WDPCP: variants seen among roughly 807,000 people sequenced by gnomAD.
WDPCP encodes the protein WD repeat containing planar cell polarity effector.
Under a neutral mutation model 93.1 loss-of-function variants are expected in WDPCP, and 71 were observed. The ratio of observed to expected loss-of-function variants is 0.76; its 90% CI spans 0.63 to 0.93. WDPCP has a LOEUF of 0.93. WDPCP is among the 40% of genes least tolerant of loss of function. WDPCP has a pLI of 0.00. For missense variants in WDPCP, 844 were observed against 887.4 expected, an observed-to-expected ratio of 0.95 and a Z score of 0.62; for synonymous variants, 315 against 315.0, an observed-to-expected ratio of 1.00 and a Z score of 0.00.
chr2:63,527,523 T>C (rs1703439954), intron 1 of WDPCP, among the ~76,000 whole-genome samples: 1 of 151,974 alleles, frequency 6.6e-6, no homozygotes, highest in South Asian at 2.1e-4. Flanking sequence ...TCCAGCTTCA[T>C]CCATGTTCCT....
chr2:63,521,496 C>G (rs760361059), intron 1 of WDPCP, among the ~76,000 whole-genome samples: 7 of 151,974 alleles, frequency 4.6e-5, no homozygotes, highest in Admixed American at 2.6e-4. Context: ...TCAATACACA[C>G]CCCATACAGG....
intron 13 of WDPCP, among the ~76,000 whole-genome samples, chr2:63,297,693 T>C (rs1278557231): frequency 6.6e-6 from 1 of 152,166 alleles, no homozygotes; most frequent in Non-Finnish European, 1.5e-5. Flanking sequence ...TATAGTGTTA[T>C]TATAATATAC....
chr2:63,685,681 T>A (rs1204877233), intron 2 of WDPCP, among the ~76,000 whole-genome samples: 1 of 152,228 alleles, frequency 6.6e-6, no homozygotes, highest in African/African-American at 2.4e-5. Flanking sequence ...ATATCTCTGA[T>A]GAATATTGAT....
intron 14 of WDPCP, among the ~76,000 whole-genome samples, chr2:63,198,898 T>G (rs1324537368): frequency 6.6e-6 from 1 of 152,148 alleles, no homozygotes; most frequent in African/African-American, 2.4e-5. Context: ...GAGGGAAAGT[T>G]TGGAGCTTCT....
chr2:63,486,608 T>C lies in WDPCP; in HGVS notation c.209-22A>G, dbSNP rs777545793. 8.1e-5 allele frequency: 126 copies of C among 1,559,476 alleles called. 3 individuals carry two copies. The highest frequency in any genetic ancestry group is 7.9e-4 in the South Asian group (67 of 84,792). On this transcript the variant is annotated intron_variant, in intron 3 of 17. Coordinates refer to ENST00000272321, the MANE Select transcript of WDPCP (RefSeq NM_015910.7). ...GTCGCTGATATTGTGGCAGAAGGGA[T>C]AGAAAGAAAAAAACAAAAGTAGAAT... is the stretch of plus-strand genomic sequence containing the variant.
intron 2 of WDPCP, among the ~76,000 whole-genome samples, chr2:63,682,089 C>T (rs1201426007): frequency 1.3e-5 from 2 of 152,176 alleles, no homozygotes; most frequent in African/African-American, 2.4e-5. Flanking sequence ...GCCCAGACTG[C>T]GAAGACAAAA....
At chr2:63,766,880 C>A (rs1670150816) in intron 2 of WDPCP, among the ~76,000 whole-genome samples, 1 of 152,096 alleles carries the variant, frequency 6.6e-6, no homozygotes, top group Admixed American at 6.6e-5. Context: ...AACTCCATAG[C>A]CATTAAACAA....
chr2:63,169,049 C>T (rs1388094528), intron 15 of WDPCP, among the ~76,000 whole-genome samples: 1 of 152,144 alleles, frequency 6.6e-6, no homozygotes, highest in African/African-American at 2.4e-5. Context: ...TTCTATCTTA[C>T]TCTTTCACTC....
intron 1 of WDPCP, among the ~76,000 whole-genome samples, chr2:63,577,479 T>C (rs998890797): frequency 2.6e-5 from 4 of 152,298 alleles, no homozygotes; most frequent in Admixed American, 6.5e-5. Flanking sequence ...TTTCCCTTCC[T>C]TTATCCCATT....
intron 2 of WDPCP, among the ~76,000 whole-genome samples, chr2:63,661,923 G>A (rs562938172): frequency 6.6e-6 from 1 of 152,162 alleles, no homozygotes; most frequent in Non-Finnish European, 1.5e-5. Context: ...ATGTGAAGGC[G>A]AAGGTATATA....
chr2:63,777,086 A>C (rs2103962504), intron 2 of WDPCP, among the ~76,000 whole-genome samples: 1 of 152,318 alleles, frequency 6.6e-6, no homozygotes, highest in South Asian at 2.1e-4. Context: ...CCCACCACAA[A>C]GAAATGACAA....
Position 63,120,518 on chromosome 2 carries a change from T to G in WDPCP, c.*1488A>C, listed in dbSNP as rs1354901805. On this transcript the variant is annotated 3_prime_UTR_variant, in exon 18 of 18. Transcript: ENST00000272321. ...ACAATGTTGATTATTATTATAGATG[T>G]CTATAATTTTTTTTTTTTTTTTTTT... 6.9e-6 allele frequency among the ~76,000 whole-genome samples: 1 copy of G among 145,768 alleles called. No homozygotes were observed. Among genetic ancestry groups the G allele is most frequent in the East Asian group, 1.9e-4 (1 of 5,150 alleles).
In WDPCP at chr2:63,504,324, T is replaced by TTGTGTGTGTG. The variant is rs60202196; in HGVS notation, c.76-11394_76-11385dup. Among the ~76,000 whole-genome samples, 961 of 138,082 alleles carry TTGTGTGTGTG rather than the reference T, an allele frequency of 7.0e-3. 8 individuals are homozygous for TTGTGTGTGTG. The highest frequency in any genetic ancestry group is 0.014 in the African/African-American group (513 of 37,424). 90.6% of individuals were successfully genotyped at this position (138,082 alleles called of 152,430 possible). A position where few individuals can be genotyped will look rare whatever the true frequency, so the allele number is the denominator to read the frequency against. On this transcript the variant is annotated intron_variant, in intron 1 of 17. Transcript: ENST00000272321. Reference sequence around the variant, plus strand: ...GAGCCTTCTGAAATTACGTACTAAATTGTGTGTGTGTGTGTGTGTGTGTGT... The same window carrying TTGTGTGTGTG: ...GAGCCTTCTGAAATTACGTACTAAATTGTGTGTGTGTGTGTGTGTGTGTGTGTGTGTGTGT...
In WDPCP at chr2:63,545,325, G is replaced by A. The variant is rs548878890; in HGVS notation, c.75+42872C>T. Among the ~76,000 whole-genome samples the A allele has an allele frequency of 2.0e-5, 3 of 151,144 alleles. No homozygotes were observed. In the East Asian group the frequency reaches 5.8e-4, roughly 29 times the overall value. ...TGTGTGCACGTGTATGTGTGTGTAT[G>A]TGTGTGTGTGTGAGAGAGAGAGAGA... On this transcript the variant is annotated intron_variant, in intron 1 of 17. Transcript: ENST00000272321.
chr2:63,709,590 G>A (rs1669229991), intron 2 of WDPCP, among the ~76,000 whole-genome samples: 1 of 152,136 alleles, frequency 6.6e-6, no homozygotes, highest in South Asian at 2.1e-4. Flanking sequence ...TCTATGTGGT[G>A]CTAATTCCTA....
At chr2:63,659,082 G>A (rs1558877567) in intron 2 of WDPCP, among the ~76,000 whole-genome samples, 1 of 152,176 alleles carries the variant, frequency 6.6e-6, no homozygotes, top group African/African-American at 2.4e-5. Flanking sequence ...ATCTTTGGCT[G>A]TGAAAAAGTA....
At chr2:63,301,044 C>T (rs1200342530) in intron 13 of WDPCP, among the ~76,000 whole-genome samples, 1 of 152,156 alleles carries the variant, frequency 6.6e-6, no homozygotes, top group Non-Finnish European at 1.5e-5. Context: ...CAAGGTCACT[C>T]TGCCCTTGGT....
intron 3 of WDPCP, among the ~76,000 whole-genome samples, chr2:63,647,071 T>C (rs1398900116): frequency 2.0e-5 from 3 of 152,188 alleles, no homozygotes; most frequent in Non-Finnish European, 4.4e-5. Flanking sequence ...ATTTTCTATA[T>C]CCTGTAGGTG....
chr2:63,135,599 G>C (rs2103630621), intron 17 of WDPCP, among the ~76,000 whole-genome samples: 1 of 152,288 alleles, frequency 6.6e-6, no homozygotes, highest in Non-Finnish European at 1.5e-5. Flanking sequence ...CCCAGCGTTA[G>C]GATTATAGGC....
Sources: gnomAD v4.1 joint callset for allele counts (sites outside exome capture counted in the v4.1 genomes callset) on GRCh38, gnomAD v4.1.1 for gene constraint, MANE v1.5 for transcripts, NCBI Gene and HGNC (gene_info 2026-07-23, HGNC 2026-07-21) for gene names.